The following ELOVL7 variants were observed in gnomAD, a reference collection of about 807,000 sequenced individuals.
ELOVL7 encodes the protein very long chain fatty acid elongase 7.
ELOVL7 carries 27 observed loss-of-function variants against 35.7 expected under a neutral mutation model. That is an observed-to-expected ratio of 0.76 (90% CI 0.56 to 1.04). The LOEUF is 1.04. Among genes scored for constraint, ELOVL7 ranks in the 50% least tolerant of loss-of-function variants. The pLI is 0.00. For synonymous variants in ELOVL7, 113 were observed against 114.6 expected (o/e 0.99, Z 0.09); for missense variants, 327 against 340.8 (o/e 0.96, Z 0.32).
intron 2 of ELOVL7, among the ~76,000 whole-genome samples, chr5:60,792,376 G>A (rs566795651): frequency 1.3e-5 from 2 of 152,286 alleles, no homozygotes; most frequent in Admixed American, 1.3e-4. Context: ...ACAAACTACT[G>A]AGAATTTCCT....
At chr5:60,831,570 T>C (rs987252342) in intron 1 of ELOVL7, among the ~76,000 whole-genome samples, 1 of 152,228 alleles carries the variant, frequency 6.6e-6, no homozygotes, top group Admixed American at 6.5e-5. Flanking sequence ...CTGGAGGTTT[T>C]AGAGAAATGC....
At chr5:60,837,315 T>TGGGGGGGGGGGGGGGGGGGGGGG (rs1227317155) in intron 1 of ELOVL7, among the ~76,000 whole-genome samples, 8 of 24,502 alleles carry the variant, frequency 3.3e-4, no homozygotes, top group East Asian at 3.7e-3. Flanking sequence ...GGCGGGGGGG[T>TGGGGGGGGGGGGGGGGGGGGGGG]GGGGGGGGAG....
At chr5:60,764,604 G>A (rs1742125626) in intron 6 of ELOVL7, among the ~76,000 whole-genome samples, 1 of 151,902 alleles carries the variant, frequency 6.6e-6, no homozygotes, top group South Asian at 2.1e-4. Flanking sequence ...AAGATATAAA[G>A]TAAGGAATAT....
intron 6 of ELOVL7, 41 bp downstream of exon 6, chr5:60,766,533 T>A: frequency 6.6e-7 from 1 of 1,506,426 alleles, no homozygotes; most frequent in Non-Finnish European, 9.1e-7. Flanking sequence ...ATCAAACATT[T>A]AAGATCAAAC....
At chr5:60,809,767 C>T (rs1179987634) in intron 1 of ELOVL7, among the ~76,000 whole-genome samples, 1 of 152,142 alleles carries the variant, frequency 6.6e-6, no homozygotes, top group East Asian at 1.9e-4. Flanking sequence ...AATAGAGAAA[C>T]CATAGCCTCA....
rs189676964 is a variant in ELOVL7, at chr5:60,775,267, A to T, written c.65-3174T>A. 1.6e-4 allele frequency among the ~76,000 whole-genome samples: 24 copies of T among 152,320 alleles called. No individual in the cohort carries two copies. The East Asian group carries it at 4.2e-3, about 27-fold the overall frequency. ...CAAAAAATAAAACACATAGGAATAC[A>T]TCTAACCAAGGAAGTAAAAGATCTG... is the stretch of plus-strand genomic sequence containing the variant. On this transcript the variant is annotated intron_variant, in intron 3 of 8. Transcript: ENST00000508821.
At chr5:60,759,167 T>C (rs942563406) in intron 7 of ELOVL7, among the ~76,000 whole-genome samples, 5 of 152,198 alleles carry the variant, frequency 3.3e-5, no homozygotes, top group Non-Finnish European at 5.9e-5. Context: ...TTAAGTATTC[T>C]CCCAAAGCCT....
chr5:60,843,972 G>A (rs544663913), intron 1 of ELOVL7, among the ~76,000 whole-genome samples, 188 bp downstream of exon 1: 26 of 152,192 alleles, frequency 1.7e-4, no homozygotes, highest in African/African-American at 6.3e-4. Flanking sequence ...CCCGAGCCCA[G>A]GGAGGGCCTG....
chr5:60,757,716 G>C, intron 7 of ELOVL7, 71 bp from the exon 8 acceptor site: 1 of 1,332,230 alleles, frequency 7.5e-7, no homozygotes, highest in Non-Finnish European at 1.0e-6. Flanking sequence ...TCTGAACTGA[G>C]ATTTTTGTAT....
rs151162718 is a variant in ELOVL7, at chr5:60,840,000, G to A, written c.-86+4160C>T. On this transcript the variant is annotated intron_variant, in intron 1 of 8. Coordinates refer to ENST00000508821, the MANE Select transcript of ELOVL7 (RefSeq NM_024930.3). ...GGGTGACAGAGAGAGACCCTGTCTC[G>A]GGGGGAGAAAAGAGCATCCTTCTGT... Among the ~76,000 whole-genome samples, 215 of 152,124 alleles carry A rather than the reference G, an allele frequency of 1.4e-3. 1 individual carries two copies. The highest frequency in any genetic ancestry group is 4.9e-3 in the African/African-American group (204 of 41,504).
intron 2 of ELOVL7, among the ~76,000 whole-genome samples, chr5:60,792,002 T>G (rs963545655): frequency 3.3e-5 from 5 of 152,114 alleles, no homozygotes; most frequent in African/African-American, 1.2e-4. Context: ...CACACTCTAA[T>G]GCAGGTCAGA....
intron 1 of ELOVL7, among the ~76,000 whole-genome samples, chr5:60,804,453 G>A (rs1744816428): frequency 6.6e-6 from 1 of 152,138 alleles, no homozygotes; most frequent in Non-Finnish European, 1.5e-5. Context: ...ATAAAGACAA[G>A]GGCCCTACTC....
chr5:60,834,423 G>A lies in ELOVL7; in HGVS notation c.-86+9737C>T, dbSNP rs942348801. Among the ~76,000 whole-genome samples the A allele has an allele frequency of 1.2e-3, 187 of 152,170 alleles. 1 individual carries two copies. Among genetic ancestry groups the A allele is most frequent in the Non-Finnish European group, 3.2e-4 (22 of 68,022 alleles). On this transcript the variant is annotated intron_variant, in intron 1 of 8. Coordinates refer to ENST00000508821, the MANE Select transcript of ELOVL7 (RefSeq NM_024930.3). ...GCCTCCCAAAGTGCTGGGATTACAG[G>A]CGTGAGCCACTGCGCCCGACCGGTT...
intron 1 of ELOVL7, among the ~76,000 whole-genome samples, chr5:60,803,607 T>C (rs896603726): frequency 7.2e-5 from 11 of 152,190 alleles, no homozygotes; most frequent in Non-Finnish European, 1.0e-4. Flanking sequence ...CTGATACCCA[T>C]AACACACTAT....
In ELOVL7 at chr5:60,835,496, C is replaced by T. The variant is rs897076608; in HGVS notation, c.-86+8664G>A. On this transcript the variant is annotated intron_variant, in intron 1 of 8. Coordinates refer to ENST00000508821, the MANE Select transcript of ELOVL7 (RefSeq NM_024930.3). ...GTGCAATCACAGCTCACTACAGCCT[C>T]GACCTCCTGGACTTAAGGGATCTTC... 3.9e-5 allele frequency among the ~76,000 whole-genome samples: 6 copies of T among 151,942 alleles called. 1 individual carries two copies. The highest frequency in any genetic ancestry group is 9.7e-5 in the African/African-American group (4 of 41,218).
intron 3 of ELOVL7, among the ~76,000 whole-genome samples, chr5:60,786,469 A>G (rs1452159976): frequency 2.0e-5 from 3 of 152,210 alleles, no homozygotes; most frequent in Admixed American, 6.5e-5. Flanking sequence ...TTCATTTAAC[A>G]TATTTTAAAC....
At chr5:60,807,992 C>CAAAAAAAAAAAAAAAA (rs34086506) in intron 1 of ELOVL7, among the ~76,000 whole-genome samples, 1 of 42,424 alleles carries the variant, frequency 2.4e-5, no homozygotes, top group Non-Finnish European at 4.4e-5. Flanking sequence ...GACTCCGTCT[C>CAAAAAAAAAAAAAAAA]AAAAAAAAAA....
intron 3 of ELOVL7, among the ~76,000 whole-genome samples, chr5:60,782,253 G>A (rs912399588): frequency 5.3e-5 from 8 of 152,148 alleles, no homozygotes; most frequent in South Asian, 2.1e-4. Flanking sequence ...AAGATAACAA[G>A]CGTTGGCAAG....
chr5:60,817,579 A>G (rs1416255665), intron 1 of ELOVL7, among the ~76,000 whole-genome samples: 1 of 147,782 alleles, frequency 6.8e-6, no homozygotes, highest in Non-Finnish European at 1.5e-5. Context: ...ATATGTGTAT[A>G]TATATATGTA....
Sources: allele counts gnomAD v4.1 joint callset (sites outside exome capture counted in the v4.1 genomes callset), GRCh38; gene constraint gnomAD v4.1.1; transcripts MANE v1.5; gene names NCBI Gene and HGNC (gene_info 2026-07-23, HGNC 2026-07-21).